HS3ST4: variants seen among roughly 807,000 people sequenced by gnomAD.
HS3ST4 encodes the protein heparan sulfate-glucosamine 3-sulfotransferase 4, also known as heparan sulfate glucosamine 3-O-sulfotransferase 4.
In HS3ST4, 17 loss-of-function variants were observed where a neutral mutation model predicts 29.2. The ratio of observed to expected loss-of-function variants is 0.58; its 90% CI spans 0.40 to 0.87. HS3ST4 has a LOEUF of 0.87. HS3ST4 is among the 40% of genes least tolerant of loss of function. The pLI, the probability that HS3ST4 is intolerant of heterozygous loss-of-function variation, is 0.00. For synonymous variants in HS3ST4, 314 were observed against 285.7 expected (o/e 1.10, Z -1.00); for missense variants, 627 against 634.5 (o/e 0.99, Z 0.13).
rs116083775 is a variant in HS3ST4 at position 25,866,918 on chromosome 16, G to T, written c.734+173767G>T. 2.5e-3 allele frequency among the ~76,000 whole-genome samples: 387 copies of T among 152,248 alleles called. 2 individuals carry two copies. Among genetic ancestry groups the T allele is most frequent in the African/African-American group, 9.0e-3 (375 of 41,548 alleles). The stretch of plus-strand genomic sequence containing the variant: ...TTATTCTTCCATGTACTGGGAACTT[G>T]CAGCGGAATGGTTACAGTCAGAATC... On this transcript the variant is annotated intron_variant, in intron 1 of 1. Coordinates refer to ENST00000331351, the MANE Select transcript of HS3ST4 (RefSeq NM_006040.3).
intron 1 of HS3ST4, among the ~76,000 whole-genome samples, chr16:25,806,494 G>A (rs941468167): frequency 6.6e-6 from 1 of 152,104 alleles, no homozygotes; most frequent in Non-Finnish European, 1.5e-5. Context: ...TGTGCCAACC[G>A]TGTGCACTTG....
chr16:25,893,336 G>A (rs1018495576), intron 1 of HS3ST4, among the ~76,000 whole-genome samples: 1 of 152,214 alleles, frequency 6.6e-6, no homozygotes, highest in Non-Finnish European at 1.5e-5. Context: ...TAAAGTAAGG[G>A]AATGATGTGA....
At chr16:25,788,726 A>T (rs889011216) in intron 1 of HS3ST4, among the ~76,000 whole-genome samples, 1 of 150,856 alleles carries the variant, frequency 6.6e-6, no homozygotes, top group Non-Finnish European at 1.5e-5. Flanking sequence ...TTTTTTGTAG[A>T]GATGGGATCT....
At chr16:25,821,850 G>A (rs1203665639) in intron 1 of HS3ST4, among the ~76,000 whole-genome samples, 1 of 152,132 alleles carries the variant, frequency 6.6e-6, no homozygotes, top group African/African-American at 2.4e-5. Flanking sequence ...GGTGGTTGCA[G>A]TGACCTGAGG....
intron 1 of HS3ST4, among the ~76,000 whole-genome samples, chr16:25,857,691 T>A (rs1967587293): frequency 6.6e-6 from 1 of 152,174 alleles, no homozygotes; most frequent in Admixed American, 6.5e-5. Flanking sequence ...TGGTATCATT[T>A]TTTTAATTTA....
At chr16:26,044,934 C>T (rs895547593) in intron 1 of HS3ST4, among the ~76,000 whole-genome samples, 1 of 152,164 alleles carries the variant, frequency 6.6e-6, no homozygotes, top group African/African-American at 2.4e-5. Flanking sequence ...ACTTAAGACC[C>T]TGGACAGGAT....
In HS3ST4 at chr16:26,017,495, A is replaced by G. The variant is rs1050718385; in HGVS notation, c.735-118117A>G. On this transcript the variant is annotated intron_variant, in intron 1 of 1. Transcript: ENST00000331351. The stretch of plus-strand genomic sequence containing the variant: ...GCCAGTTTGCAGTCAGAAATGAAAG[A>G]AAAGAGAGAGCTTCCAGAAATTGTT... Among the ~76,000 whole-genome samples, 10 of 152,370 alleles carry G rather than the reference A, an allele frequency of 6.6e-5. No individual in the cohort carries two copies. The South Asian group carries it at 1.9e-3, about 28-fold the overall frequency.
At chr16:25,859,238 T>C (rs1967613838) in intron 1 of HS3ST4, among the ~76,000 whole-genome samples, 1 of 152,152 alleles carries the variant, frequency 6.6e-6, no homozygotes, top group South Asian at 2.1e-4. Context: ...ATGAGCTTCT[T>C]GGAAAATTTC....
At chr16:26,068,212 G>A (rs112602218) in intron 1 of HS3ST4, among the ~76,000 whole-genome samples, 8,115 of 152,040 alleles carry the variant, frequency 0.053, 280 homozygotes, top group Middle Eastern at 0.12. Flanking sequence ...CACTTACTGG[G>A]GATAGACATT....
At chr16:25,857,928 C>CT (rs1184461234) in intron 1 of HS3ST4, among the ~76,000 whole-genome samples, 4 of 47,668 alleles carry the variant, frequency 8.4e-5, no homozygotes, top group African/African-American at 4.9e-4. Context: ...TCCTTTCTTT[C>CT]TTTCTTTCTT....
intron 1 of HS3ST4, among the ~76,000 whole-genome samples, chr16:25,930,788 T>C (rs1393556559): frequency 2.0e-5 from 3 of 152,152 alleles, no homozygotes; most frequent in South Asian, 2.1e-4. Context: ...CAGAATGAGA[T>C]GACTTCTTTT....
intron 1 of HS3ST4, among the ~76,000 whole-genome samples, chr16:25,875,948 C>T: frequency 6.6e-6 from 1 of 152,168 alleles, no homozygotes; most frequent in East Asian, 1.9e-4. Context: ...ATAACTCAGG[C>T]AAGGCTGCTT....
chr16:25,781,462 C>T (rs183538417), intron 1 of HS3ST4, among the ~76,000 whole-genome samples: 13 of 152,234 alleles, frequency 8.5e-5, no homozygotes, highest in South Asian at 2.1e-4. Flanking sequence ...CTCTTTCTAC[C>T]GAGGTTTCGA....
At position 25,918,893 on chromosome 16, in the gene HS3ST4, T is replaced by C. The variant is rs570827065; in HGVS notation, c.735-216719T>C. Among the ~76,000 whole-genome samples, 188 of 152,296 alleles carry C rather than the reference T, an allele frequency of 1.2e-3. 3 individuals carry two copies. Among genetic ancestry groups the C allele is most frequent in the African/African-American group, 4.2e-3 (175 of 41,574 alleles). ...ATGTAGGTAGTATATGTGTGTGACA[T>C]GGGACAGCCAGGCTGCATCCTTGTG... On this transcript the variant is annotated intron_variant, in intron 1 of 1. Transcript: ENST00000331351.
At chr16:25,955,764 G>A (rs897518677) in intron 1 of HS3ST4, among the ~76,000 whole-genome samples, 2 of 151,666 alleles carry the variant, frequency 1.3e-5, no homozygotes, top group African/African-American at 4.8e-5. Flanking sequence ...TGGTTCTGTA[G>A]CTTGCAGTGT....
intron 1 of HS3ST4, among the ~76,000 whole-genome samples, chr16:26,066,089 A>G (rs1268883580): frequency 1.3e-5 from 2 of 152,242 alleles, no homozygotes; most frequent in African/African-American, 4.8e-5. Flanking sequence ...AATCTTGTAG[A>G]GAAGAGTGGT....
At chr16:25,886,035 T>G (rs1414425808) in intron 1 of HS3ST4, among the ~76,000 whole-genome samples, 2 of 139,564 alleles carry the variant, frequency 1.4e-5, no homozygotes, top group Non-Finnish European at 3.1e-5. Flanking sequence ...TGGTTTTTTT[T>G]TTTTTTTTTT....
At chr16:26,083,120 A>C (rs1053377637) in intron 1 of HS3ST4, among the ~76,000 whole-genome samples, 1 of 152,198 alleles carries the variant, frequency 6.6e-6, no homozygotes, top group African/African-American at 2.4e-5. Context: ...TCCTTACCTG[A>C]CATAATTAGC....
chr16:26,110,717 A>G (rs1899117068), intron 1 of HS3ST4, among the ~76,000 whole-genome samples: 1 of 152,274 alleles, frequency 6.6e-6, no homozygotes. Flanking sequence ...AATTCAGATC[A>G]TGACAGTTCT....
Sources: allele counts gnomAD v4.1 joint callset (sites outside exome capture counted in the v4.1 genomes callset), GRCh38; gene constraint gnomAD v4.1.1; transcripts MANE v1.5; gene names NCBI Gene and HGNC (gene_info 2026-07-23, HGNC 2026-07-21).